The following NDUFA8 variants were observed in gnomAD, a reference collection of about 807,000 sequenced individuals.
The protein encoded by NDUFA8 is NADH dehydrogenase [ubiquinone] 1 alpha subcomplex subunit 8.
A neutral mutation model predicts 20.9 loss-of-function variants in NDUFA8; 16 were observed. That is an observed-to-expected ratio of 0.77 (90% confidence interval 0.52 to 1.16). The LOEUF is 1.16. Among genes scored for constraint, NDUFA8 ranks in the 50% most tolerant of loss-of-function variants. The pLI is 0.00. For missense variants in NDUFA8, 202 were observed against 216.4 expected (o/e 0.93, Z 0.42); for synonymous variants, 70 against 76.1 (o/e 0.92, Z 0.41).
At chr9:122,147,285 G>T (rs1196119961) in intron 3 of NDUFA8, among the ~76,000 whole-genome samples, 2 of 152,092 alleles carry the variant, frequency 1.3e-5, no homozygotes, top group Admixed American at 6.5e-5. Context: ...AGGAAGTGAT[G>T]ACTGCATGGA....
In NDUFA8 at chr9:122,144,301, C is replaced by A. The variant is rs1347160028; in HGVS notation, c.459G>T (p.Glu153Asp). Residue 153 changes from glutamate to aspartate, a missense_variant, in exon 4 of 4, where the codon GAG (glutamate) becomes GAT (aspartate). Coordinates refer to ENST00000373768, the MANE Select transcript of NDUFA8 (RefSeq NM_014222.3). ...HSRPRPDPSPEIEGDLQPATH... is the reference protein window; with the variant it reads ...HSRPRPDPSPDIEGDLQPATH... ...TGGCAGGCTGCAGATCTCCCTCGAT[C>A]TCAGGGCTGGGATCCGGTCTTGGTC... The A allele has an allele frequency of 6.2e-7, 1 of 1,614,052 alleles. No individual in the cohort carries two copies. The highest frequency in any genetic ancestry group is 8.5e-7 in the Non-Finnish European group (1 of 1,180,042).
At chr9:122,149,011 C>A (rs1828950079) in intron 2 of NDUFA8, among the ~76,000 whole-genome samples, 2 of 152,138 alleles carry the variant, frequency 1.3e-5, no homozygotes, top group Admixed American at 6.5e-5. Flanking sequence ...TATCATTCAA[C>A]CCTACTAGTA....
the NDUFA8 span, among the ~76,000 whole-genome samples, chr9:122,138,873 G>C: frequency 5.0e-5 from 7 of 140,392 alleles, 1 homozygote; most frequent in Non-Finnish European, 9.4e-5. Context: ...GGTGGGGGGG[G>C]GGCCATCTGA....
chr9:122,141,762 C>G (rs1001440932), downstream of NDUFA8, among the ~76,000 whole-genome samples: 5 of 152,190 alleles, frequency 3.3e-5, no homozygotes, highest in Non-Finnish European at 5.9e-5. Context: ...TTGAGACAGG[C>G]ACTTGTTGTG....
At chr9:122,145,362 C>A (rs569130015) in intron 3 of NDUFA8, among the ~76,000 whole-genome samples, 1 of 152,204 alleles carries the variant, frequency 6.6e-6, no homozygotes, top group Admixed American at 6.5e-5. Context: ...TCACAGTATC[C>A]CCTGATGGTC....
At chr9:122,155,920 T>C (rs919640390) in intron 1 of NDUFA8, among the ~76,000 whole-genome samples, 10 of 152,168 alleles carry the variant, frequency 6.6e-5, no homozygotes, top group African/African-American at 2.4e-4. Context: ...ACCATCCCTG[T>C]CACAGGAAAA....
chr9:122,134,384 A>G, the NDUFA8 span, among the ~76,000 whole-genome samples: 6 of 152,286 alleles, frequency 3.9e-5, no homozygotes, highest in Admixed American at 1.3e-4. Flanking sequence ...AACCTTTCCG[A>G]GCATCAGCTT....
At chr9:122,142,693 T>C (rs1375790949), downstream of NDUFA8, among the ~76,000 whole-genome samples, 2 of 152,224 alleles carry the variant, frequency 1.3e-5, no homozygotes, top group Non-Finnish European at 2.9e-5. Flanking sequence ...TTCAAAGGAC[T>C]CTGGGCATTG....
intron 1 of NDUFA8, among the ~76,000 whole-genome samples, chr9:122,152,684 T>A (rs910078430): frequency 6.6e-6 from 1 of 151,908 alleles, no homozygotes; most frequent in Non-Finnish European, 1.5e-5. Context: ...GCCTCCCAAG[T>A]AGCTGGGATT....
chr9:122,134,084 C>T, the NDUFA8 span, among the ~76,000 whole-genome samples: 3 of 152,202 alleles, frequency 2.0e-5, no homozygotes, highest in Non-Finnish European at 4.4e-5. Flanking sequence ...GCTGGCACAT[C>T]GATCAAAGGA....
chr9:122,140,729 C>T (rs774267380), downstream of NDUFA8, among the ~76,000 whole-genome samples: 4 of 152,212 alleles, frequency 2.6e-5, no homozygotes, highest in Non-Finnish European at 5.9e-5. Flanking sequence ...TTTATCAACC[C>T]TCTACTATGC....
At chr9:122,145,647 T>C (rs1448024912) in intron 3 of NDUFA8, among the ~76,000 whole-genome samples, 1 of 152,244 alleles carries the variant, frequency 6.6e-6, no homozygotes, top group Non-Finnish European at 1.5e-5. Flanking sequence ...TTATCTCTAG[T>C]GCACAGATGA....
the NDUFA8 span, among the ~76,000 whole-genome samples, chr9:122,138,194 T>C: frequency 6.6e-6 from 1 of 152,254 alleles, no homozygotes; most frequent in Non-Finnish European, 1.5e-5. Context: ...AGCAGCAGAA[T>C]TGATTAAAAC....
intron 3 of NDUFA8, among the ~76,000 whole-genome samples, chr9:122,145,181 G>C (rs1421904287): frequency 6.6e-6 from 1 of 152,246 alleles, no homozygotes; most frequent in Non-Finnish European, 1.5e-5. Context: ...GTTTTAACCT[G>C]ACGGTTAACA....
chr9:122,143,808 G>A (rs781324638), downstream of NDUFA8, among the ~76,000 whole-genome samples: 2 of 152,190 alleles, frequency 1.3e-5, no homozygotes, highest in Non-Finnish European at 2.9e-5. Flanking sequence ...TGCCTAAGAC[G>A]TTGGATGGAA....
intron 3 of NDUFA8, 27 bp downstream of exon 3, chr9:122,148,085 T>C (rs1399318631): frequency 6.2e-7 from 1 of 1,613,370 alleles, no homozygotes; most frequent in Non-Finnish European, 8.5e-7. Flanking sequence ...AATCAGAAAG[T>C]GAGACCTCCA....
the NDUFA8 span, chr9:122,132,894 T>A: frequency 2.2e-5 from 10 of 455,910 alleles, no homozygotes; most frequent in East Asian, 6.3e-4. Context: ...TTCTCCCAGC[T>A]CCACCAGGGC....
chr9:122,138,868 G>GGGGC, the NDUFA8 span, among the ~76,000 whole-genome samples: 1 of 143,230 alleles, frequency 7.0e-6, no homozygotes, highest in Non-Finnish European at 1.5e-5. Context: ...GAAGAGGTGG[G>GGGGC]GGGGGGGCCA....
chr9:122,144,445 G>A (rs968515148), intron 3 of NDUFA8, 67 bp from the exon 4 acceptor site: 36 of 1,426,586 alleles, frequency 2.5e-5, no homozygotes, highest in Middle Eastern at 3.6e-4. Context: ...AACCATCAAT[G>A]CGCCTCCTGG....
Sources: allele counts gnomAD v4.1 joint callset (sites outside exome capture counted in the v4.1 genomes callset), GRCh38; gene constraint gnomAD v4.1.1; transcripts MANE v1.5; gene names NCBI Gene and HGNC (gene_info 2026-07-23, HGNC 2026-07-21).